SLC4A7: variants seen among roughly 807,000 people sequenced by gnomAD.
SLC4A7 encodes solute carrier family 4 member 7.
SLC4A7 carries 51 observed loss-of-function variants against 137.6 expected under a neutral mutation model. The observed-to-expected ratio is 0.37, with a 90% CI of 0.30 to 0.47. The LOEUF (loss-of-function observed/expected upper bound fraction) is 0.47. Among genes scored for constraint, SLC4A7 ranks in the 20% least tolerant of loss-of-function variants. SLC4A7 has a pLI of 1.00. For missense variants in SLC4A7, 1,247 were observed against 1,525.4 expected (o/e 0.82, Z 3.04); for synonymous variants, 542 against 518.6 (o/e 1.05, Z -0.61).
At position 27,398,178 on chromosome 3, in the gene SLC4A7, T is replaced by C. The variant is rs372930170; in HGVS notation, c.2589+14A>G. The C allele has an allele frequency of 6.3e-7, 1 of 1,579,942 alleles. No homozygotes were observed. The highest frequency in any genetic ancestry group is 8.6e-7 in the Non-Finnish European group (1 of 1,162,992). ...ATGAATATTACCAGAATTCCAAAAT[T>C]ATATCACAGTTACCTTGGTAGGAAA... On this transcript the variant is annotated intron_variant, in intron 17 of 25. Coordinates refer to ENST00000454389, the MANE Select transcript of SLC4A7 (RefSeq NM_001321103.2).
chr3:27,386,600 G>GT (rs1449456793), intron 22 of SLC4A7, among the ~76,000 whole-genome samples: 22 of 152,136 alleles, frequency 1.4e-4, no homozygotes, highest in African/African-American at 5.3e-4. Flanking sequence ...GCATTTATGA[G>GT]TTCTGTGTAG....
chr3:27,468,484 T>C (rs571094356), intron 1 of SLC4A7, among the ~76,000 whole-genome samples: 18 of 152,180 alleles, frequency 1.2e-4, no homozygotes, highest in African/African-American at 4.3e-4. Context: ...AGGTGGAGGA[T>C]TGCTTGAGCC....
intron 11 of SLC4A7, among the ~76,000 whole-genome samples, chr3:27,412,168 T>G (rs145633927): frequency 3.9e-5 from 6 of 152,244 alleles, no homozygotes; most frequent in African/African-American, 1.4e-4. Flanking sequence ...GTCATTTTTC[T>G]TCTACTAAAG....
intron 13 of SLC4A7, among the ~76,000 whole-genome samples, chr3:27,406,627 T>G (rs576261691): frequency 2.0e-5 from 3 of 152,072 alleles, no homozygotes; most frequent in Non-Finnish European, 4.4e-5. Flanking sequence ...ATGCAGAGCT[T>G]AAGTCAAAGG....
chr3:27,385,065 G>A (rs2050799374), intron 23 of SLC4A7, among the ~76,000 whole-genome samples: 1 of 152,014 alleles, frequency 6.6e-6, no homozygotes, highest in African/African-American at 2.4e-5. Flanking sequence ...TCTAGTTAAA[G>A]AATTTTAATT....
intron 1 of SLC4A7, among the ~76,000 whole-genome samples, chr3:27,463,220 G>T (rs1412514906): frequency 1.3e-5 from 2 of 152,246 alleles, no homozygotes; most frequent in Non-Finnish European, 2.9e-5. Context: ...GAGGTCAGGA[G>T]ATCCAGACCA....
At chr3:27,459,151 A>G (rs192140989) in intron 1 of SLC4A7, among the ~76,000 whole-genome samples, 1 of 152,318 alleles carries the variant, frequency 6.6e-6, no homozygotes, top group Admixed American at 6.5e-5. Context: ...AACCATAAGC[A>G]TAGGGATTTG....
intron 1 of SLC4A7, among the ~76,000 whole-genome samples, chr3:27,452,955 A>C (rs909552104): frequency 1.3e-5 from 2 of 152,202 alleles, no homozygotes; most frequent in Non-Finnish European, 2.9e-5. Flanking sequence ...AAATAAGCAG[A>C]CTCAACATGC....
intron 18 of SLC4A7, among the ~76,000 whole-genome samples, chr3:27,396,142 A>ATT (rs974078381): frequency 2.0e-5 from 3 of 152,204 alleles, no homozygotes; most frequent in Non-Finnish European, 2.9e-5. Flanking sequence ...TCATGAAAAC[A>ATT]TTTGTCAATA....
intron 1 of SLC4A7, among the ~76,000 whole-genome samples, chr3:27,463,875 T>A (rs920510260): frequency 6.6e-6 from 1 of 152,188 alleles, no homozygotes; most frequent in Non-Finnish European, 1.5e-5. Flanking sequence ...CCTTTCAAAG[T>A]GTCTGCGTGC....
At chr3:27,409,764 A>G (rs2053726846) in intron 12 of SLC4A7, among the ~76,000 whole-genome samples, 1 of 152,246 alleles carries the variant, frequency 6.6e-6, no homozygotes, top group Admixed American at 6.5e-5. Context: ...CTATATAATG[A>G]AAAGACTGCA....
In SLC4A7 at chr3:27,403,404, T is replaced by C. The variant is rs761358629; in HGVS notation, c.2076-20A>G. On this transcript the variant is annotated intron_variant, in intron 14 of 25. Coordinates refer to ENST00000454389, the MANE Select transcript of SLC4A7 (RefSeq NM_001321103.2). Reference sequence around the variant, plus strand: ...TAATCTCTGTTTAGAAAGAAAAATATGAATATGATAAACATATGTGGAATA... The same window carrying C: ...TAATCTCTGTTTAGAAAGAAAAATACGAATATGATAAACATATGTGGAATA... The C allele has an allele frequency of 1.9e-5, 29 of 1,530,592 alleles. No individual in the cohort carries two copies. The Middle Eastern group carries it at 5.7e-4, about 30-fold the overall frequency. The allele number at this position is 1,530,592 out of a possible 1,614,324, so 94.8% of individuals were successfully genotyped here.
At position 27,452,541 on chromosome 3, in the gene SLC4A7, A is replaced by G. The variant is rs2058144028; in HGVS notation, c.61-43T>C. Reference sequence around the variant, plus strand: ...TCATTGACTCATGAGATCACAATCTATTGAGGACCTATTATATGCATCCTT... The same window carrying G: ...TCATTGACTCATGAGATCACAATCTGTTGAGGACCTATTATATGCATCCTT... On this transcript the variant is annotated intron_variant, in intron 1 of 25. Transcript: ENST00000454389. 2.3e-6 allele frequency: 3 copies of G among 1,322,736 alleles called. No homozygotes were observed. In the East Asian group the frequency reaches 7.1e-5, roughly 32 times the overall value. The allele number at this position is 1,322,736 out of a possible 1,614,324, so 81.9% of individuals were successfully genotyped here.
chr3:27,394,011 C>T (rs2051872529), intron 20 of SLC4A7, among the ~76,000 whole-genome samples: 1 of 151,852 alleles, frequency 6.6e-6, no homozygotes, highest in African/African-American at 2.4e-5. Context: ...CATATATTTG[C>T]CATATTATAA....
At chr3:27,432,355 A>G (rs922335628) in intron 6 of SLC4A7, among the ~76,000 whole-genome samples, 4 of 152,182 alleles carry the variant, frequency 2.6e-5, no homozygotes, top group Admixed American at 6.5e-5. Context: ...TATGCTTTTC[A>G]TTTCTGATAT....
intron 1 of SLC4A7, among the ~76,000 whole-genome samples, chr3:27,463,241 C>T (rs1176645014): frequency 2.0e-5 from 3 of 152,178 alleles, no homozygotes; most frequent in African/African-American, 7.2e-5. Flanking sequence ...TCCTAGTTAA[C>T]ACGGTGAAAC....
intron 3 of SLC4A7, among the ~76,000 whole-genome samples, chr3:27,446,720 T>TTG (rs1476789277): frequency 6.6e-6 from 1 of 152,134 alleles, no homozygotes; most frequent in African/African-American, 2.4e-5. Flanking sequence ...TAAGTATTTT[T>TTG]TACTTCTAAA....
chr3:27,435,551 A>G (rs2056667990), intron 5 of SLC4A7, among the ~76,000 whole-genome samples: 1 of 152,120 alleles, frequency 6.6e-6, no homozygotes, highest in Non-Finnish European at 1.5e-5. Flanking sequence ...ATAAAATCCT[A>G]TTTCTTGGCT....
At chr3:27,419,704 C>G (rs2054758240) in intron 10 of SLC4A7, among the ~76,000 whole-genome samples, 1 of 151,906 alleles carries the variant, frequency 6.6e-6, no homozygotes, top group Admixed American at 6.5e-5. Context: ...GGAAATGATA[C>G]ATTCAAATTT....
Sources: gnomAD v4.1 joint callset for allele counts (sites outside exome capture counted in the v4.1 genomes callset) on GRCh38, gnomAD v4.1.1 for gene constraint, MANE v1.5 for transcripts, NCBI Gene and HGNC (gene_info 2026-07-23, HGNC 2026-07-21) for gene names.